The following PDE4D variants were observed in gnomAD, a reference collection of about 807,000 sequenced individuals.
PDE4D encodes the protein 3',5'-cyclic-AMP phosphodiesterase 4D.
Under a neutral mutation model 87.4 loss-of-function variants are expected in PDE4D, and 24 were observed. That is an observed-to-expected ratio of 0.27 (90% confidence interval 0.20 to 0.39). The LOEUF (loss-of-function observed/expected upper bound fraction) is 0.39. Among genes scored for constraint, PDE4D ranks in the 10% least tolerant of loss-of-function variants. PDE4D has a pLI of 1.00. For missense variants in PDE4D, 714 were observed against 1,041.0 expected (o/e 0.69, Z 4.32); for synonymous variants, 384 against 383.2 (o/e 1.00, Z -0.02).
intron 1 of PDE4D, among the ~76,000 whole-genome samples, chr5:59,247,817 G>C (rs1759149268): frequency 6.6e-6 from 1 of 151,884 alleles, no homozygotes; most frequent in Non-Finnish European, 1.5e-5. Context: ...TCCTGCTGCA[G>C]TTAACTTGAA....
chr5:59,361,418 C>T (rs1782206039), intron 1 of PDE4D, among the ~76,000 whole-genome samples: 1 of 152,104 alleles, frequency 6.6e-6, no homozygotes, highest in Non-Finnish European at 1.5e-5. Flanking sequence ...TTGTCTTGTT[C>T]AATTCTCTGT....
At chr5:58,999,522 G>T in intron 6 of PDE4D, 1 of 1,535,498 alleles carries the variant, frequency 6.5e-7, no homozygotes, top group Non-Finnish European at 8.8e-7. Flanking sequence ...ACAGTAAATA[G>T]TTTGCTTCAG....
intron 1 of PDE4D, among the ~76,000 whole-genome samples, chr5:59,469,932 C>G (rs1044357182): frequency 6.6e-6 from 1 of 152,108 alleles, no homozygotes; most frequent in Non-Finnish European, 1.5e-5. Context: ...CACAAAAAGG[C>G]ATTGTGCTTC....
At chr5:60,223,580 C>A (rs1035180479) in intron 1 of PDE4D, among the ~76,000 whole-genome samples, 1 of 152,066 alleles carries the variant, frequency 6.6e-6, no homozygotes, top group Non-Finnish European at 1.5e-5. Context: ...ACTAATTTAT[C>A]CTCCTAGCAT....
intron 2 of PDE4D, among the ~76,000 whole-genome samples, chr5:60,140,024 C>A (rs563693135): frequency 1.3e-5 from 2 of 151,888 alleles, no homozygotes; most frequent in African/African-American, 4.8e-5. Flanking sequence ...TCATTTCATC[C>A]ATTTTTGTCT....
At chr5:60,149,222 G>T (rs1243423218) in intron 2 of PDE4D, among the ~76,000 whole-genome samples, 6 of 152,134 alleles carry the variant, frequency 3.9e-5, no homozygotes, top group Admixed American at 2.6e-4. Context: ...ACAAAGAAAA[G>T]AAGTTTATTT....
At chr5:59,182,122 T>C (rs1485238781) in intron 4 of PDE4D, among the ~76,000 whole-genome samples, 2 of 152,222 alleles carry the variant, frequency 1.3e-5, no homozygotes, top group Non-Finnish European at 2.9e-5. Flanking sequence ...TAGTTTTTTT[T>C]AGTTATAAAA....
At chr5:60,495,671 C>T (rs1193717389) in intron 1 of PDE4D, among the ~76,000 whole-genome samples, 2 of 152,128 alleles carry the variant, frequency 1.3e-5, no homozygotes, top group Non-Finnish European at 2.9e-5. Context: ...CACATGGGTG[C>T]GGAAGTATGG....
intron 2 of PDE4D, among the ~76,000 whole-genome samples, chr5:60,140,190 T>C (rs1780408040): frequency 6.6e-6 from 1 of 152,132 alleles, no homozygotes; most frequent in African/African-American, 2.4e-5. Flanking sequence ...TTAATCAAAG[T>C]GCATATTATA....
At chr5:60,223,417 A>C (rs1744723577) in intron 1 of PDE4D, among the ~76,000 whole-genome samples, 1 of 152,128 alleles carries the variant, frequency 6.6e-6, no homozygotes, top group Non-Finnish European at 1.5e-5. Context: ...AACAATACTG[A>C]ATGAGGGCAT....
At chr5:59,069,848 A>T (rs959011604) in intron 5 of PDE4D, among the ~76,000 whole-genome samples, 7 of 152,202 alleles carry the variant, frequency 4.6e-5, no homozygotes, top group Middle Eastern at 3.2e-3. Context: ...TTCATTATAG[A>T]TTATTTGGAA....
chr5:59,108,229 A>G (rs547945732), intron 5 of PDE4D, among the ~76,000 whole-genome samples: 129 of 152,332 alleles, frequency 8.5e-4, no homozygotes, highest in Non-Finnish European at 1.5e-3. Flanking sequence ...CAGATGTAGC[A>G]CTGTCCTTCT....
At chr5:59,312,347 T>C (rs992494845) in intron 1 of PDE4D, among the ~76,000 whole-genome samples, 2 of 152,168 alleles carry the variant, frequency 1.3e-5, no homozygotes, top group African/African-American at 4.8e-5. Context: ...CAATCCACTG[T>C]CGAAATGACT....
At chr5:59,979,167 G>A (rs1197144440) in intron 3 of PDE4D, among the ~76,000 whole-genome samples, 1 of 151,862 alleles carries the variant, frequency 6.6e-6, no homozygotes, top group Non-Finnish European at 1.5e-5. Context: ...AAATAATGTT[G>A]GAGAAATAAG....
chr5:60,159,201 A>G (rs922538342), intron 2 of PDE4D, among the ~76,000 whole-genome samples: 10 of 152,172 alleles, frequency 6.6e-5, no homozygotes, highest in African/African-American at 2.2e-4. Context: ...GTCCCACTGG[A>G]AGGTCTTTAG....
intron 2 of PDE4D, among the ~76,000 whole-genome samples, chr5:60,079,858 A>C (rs1281203683): frequency 2.6e-5 from 4 of 152,024 alleles, no homozygotes; most frequent in African/African-American, 4.8e-5. Context: ...TGGCCATCCA[A>C]AGTCTTATTT....
intron 1 of PDE4D, among the ~76,000 whole-genome samples, chr5:59,470,197 A>G (rs1179036207): frequency 2.0e-5 from 3 of 152,190 alleles, no homozygotes; most frequent in African/African-American, 7.2e-5. Flanking sequence ...GCTGAGTCAC[A>G]TAATTTGGTC....
At chr5:60,140,091 T>A (rs1486098202) in intron 2 of PDE4D, among the ~76,000 whole-genome samples, 1 of 152,088 alleles carries the variant, frequency 6.6e-6, no homozygotes, top group African/African-American at 2.4e-5. Context: ...GTATTATTGT[T>A]TTGGTCCTGT....
At chr5:59,720,046 T>C (rs895398159) in intron 1 of PDE4D, among the ~76,000 whole-genome samples, 3 of 152,224 alleles carry the variant, frequency 2.0e-5, no homozygotes, top group Non-Finnish European at 4.4e-5. Flanking sequence ...CTATGTTTAT[T>C]CTCCCTTCTG....
Sources: gnomAD v4.1 joint callset for allele counts (sites outside exome capture counted in the v4.1 genomes callset) on GRCh38, gnomAD v4.1.1 for gene constraint, MANE v1.5 for transcripts, NCBI Gene and HGNC (gene_info 2026-07-23, HGNC 2026-07-21) for gene names.